Variants in PCDH11X observed in about 807,000 individuals in gnomAD.
PCDH11X encodes the protein protocadherin 11 X-linked, also known as protocadherin-11 X-linked.
Under a neutral mutation model 53.3 loss-of-function variants are expected in PCDH11X, and 18 were observed. The ratio of observed to expected loss-of-function variants is 0.34; its 90% CI spans 0.23 to 0.50. PCDH11X has a LOEUF of 0.50. Among genes scored for constraint, PCDH11X ranks in the 20% least tolerant of loss-of-function variants. The probability of loss-of-function intolerance (pLI) is 0.98; values close to 1 mark genes in which losing one functional copy is unlikely to be tolerated. For synonymous variants in PCDH11X, 279 were observed against 393.3 expected (o/e 0.71, Z 3.44); for missense variants, 570 against 1,032.4 (o/e 0.55, Z 6.14).
chrX:91,924,159 C>T (rs1941850606), intron 6 of PCDH11X, among the ~76,000 whole-genome samples: 1 of 108,914 alleles, frequency 9.2e-6, no homozygotes, highest in Admixed American at 1.0e-4. Context: ...CATGGAAAGT[C>T]GCTAATCAGA....
chrX:92,360,535 A>G (rs1404119594), intron 8 of PCDH11X, among the ~76,000 whole-genome samples: 3 of 110,005 alleles, frequency 2.7e-5, no homozygotes. Context: ...AAAACATTGC[A>G]GGGAAAATAT....
intron 8 of PCDH11X, among the ~76,000 whole-genome samples, chrX:92,310,869 T>C (rs57851289): frequency 0.022 from 2,447 of 111,883 alleles, 79 homozygotes; most frequent in African/African-American, 0.076. Flanking sequence ...TAGCGCATTG[T>C]AGATTTTATT....
At chrX:92,513,971 T>C (rs2074209839) in intron 10 of PCDH11X, among the ~76,000 whole-genome samples, 1 of 111,036 alleles carries the variant, frequency 9.0e-6, no homozygotes, top group Non-Finnish European at 1.9e-5. Flanking sequence ...TAAATGGAAT[T>C]GTACAGTATG....
chrX:91,930,322 G>T (rs1482447561), intron 6 of PCDH11X, among the ~76,000 whole-genome samples: 1 of 109,254 alleles, frequency 9.2e-6, no homozygotes, highest in African/African-American at 3.3e-5. Context: ...ATGTATGTCT[G>T]TGTGCATGTG....
chrX:92,540,809 CG>C (rs2074743327), intron 10 of PCDH11X, among the ~76,000 whole-genome samples: 1 of 107,379 alleles, frequency 9.3e-6, no homozygotes, highest in African/African-American at 3.4e-5. Flanking sequence ...TTCAAGGCCA[CG>C]GGTCTGCCTC....
chrX:92,236,136 T>C (rs2067168594), intron 7 of PCDH11X, among the ~76,000 whole-genome samples: 1 of 111,473 alleles, frequency 9.0e-6, no homozygotes, highest in African/African-American at 3.3e-5. Context: ...CTTAAGTAGA[T>C]TTGATTACTG....
At chrX:92,337,364 A>G (rs1187873950) in intron 8 of PCDH11X, among the ~76,000 whole-genome samples, 1 of 109,344 alleles carries the variant, frequency 9.1e-6, no homozygotes, top group Non-Finnish European at 1.9e-5. Flanking sequence ...CCCTTTGGTA[A>G]GTTAATAGAC....
At position 91,892,830 on chromosome X, in the gene PCDH11X, T is replaced by C. The variant is rs1167444206; in HGVS notation, c.3033+13557T>C. On this transcript the variant is annotated intron_variant, in intron 6 of 10. Coordinates refer to ENST00000682573, the MANE Select transcript of PCDH11X (RefSeq NM_032968.5). ...AATTTCAGGCTAATTTTTGTATTTT[T>C]AGTAGAGACTGGGGTTACACCCTGT... Among the ~76,000 whole-genome samples, 17 of 109,799 alleles carry C rather than the reference T, an allele frequency of 1.5e-4. No homozygotes were observed. The South Asian group carries it at 2.4e-3, about 15-fold the overall frequency.
intron 10 of PCDH11X, among the ~76,000 whole-genome samples, chrX:92,584,789 CTTTTTTTTTT>C (rs1171667582): frequency 4.6e-5 from 3 of 65,110 alleles, no homozygotes; most frequent in South Asian, 1.9e-3. Flanking sequence ...TCTTTTTTTC[CTTTTTTTTTT>C]TTTTTTTTTT....
At chrX:91,880,702 G>T (rs1336756269) in intron 6 of PCDH11X, among the ~76,000 whole-genome samples, 1 of 110,080 alleles carries the variant, frequency 9.1e-6, no homozygotes, top group African/African-American at 3.3e-5. Flanking sequence ...GACTTTAAAA[G>T]AATTTACGCT....
intron 7 of PCDH11X, among the ~76,000 whole-genome samples, chrX:92,218,185 A>G (rs1358683096): frequency 9.0e-6 from 1 of 110,816 alleles, no homozygotes; most frequent in Non-Finnish European, 1.9e-5. Context: ...AAGGCAAGAA[A>G]TAACTAAAAT....
intron 10 of PCDH11X, among the ~76,000 whole-genome samples, chrX:92,538,395 T>G (rs1183790559): frequency 9.1e-6 from 1 of 110,223 alleles, no homozygotes; most frequent in Admixed American, 9.8e-5. Flanking sequence ...AGAGACTTAC[T>G]CCTGTCATTT....
At chrX:92,245,464 A>AT (rs1302810992) in intron 7 of PCDH11X, among the ~76,000 whole-genome samples, 1 of 112,685 alleles carries the variant, frequency 8.9e-6, no homozygotes, top group Non-Finnish European at 1.9e-5. Flanking sequence ...TAATGAAGAA[A>AT]AAGTTGCCAG....
rs774998658 is a variant in PCDH11X, at chrX:92,391,306, T to C, written c.3343+3373T>C. Among the ~76,000 whole-genome samples, 15 of 110,279 alleles carry C rather than the reference T, an allele frequency of 1.4e-4. No individual in the cohort carries two copies. In the South Asian group the frequency reaches 2.7e-3, roughly 20 times the overall value. ...TTACTGTGGATACTGGAACAGATAA[T>C]GTCCGCATTTTCAAAGGATTTTCTT... On this transcript the variant is annotated intron_variant, in intron 9 of 10. Coordinates refer to ENST00000682573, the MANE Select transcript of PCDH11X (RefSeq NM_032968.5).
chrX:92,501,893 A>G (rs1473462165), intron 10 of PCDH11X, among the ~76,000 whole-genome samples: 2 of 111,069 alleles, frequency 1.8e-5, no homozygotes, highest in African/African-American at 3.3e-5. Context: ...AGAAAGAGAT[A>G]AAGAGTATTC....
intron 6 of PCDH11X, among the ~76,000 whole-genome samples, chrX:91,919,520 T>G (rs2147817012): frequency 9.0e-6 from 1 of 111,536 alleles, no homozygotes; most frequent in African/African-American, 3.2e-5. Context: ...AATATTTGCA[T>G]ATTTTTTTCT....
intron 8 of PCDH11X, among the ~76,000 whole-genome samples, chrX:92,350,900 C>A (rs1488800955): frequency 9.0e-6 from 1 of 111,721 alleles, no homozygotes; most frequent in Non-Finnish European, 1.9e-5. Flanking sequence ...ATTTCACCCA[C>A]GTAACTCATT....
At chrX:92,293,362 G>C (rs1440014546) in intron 8 of PCDH11X, among the ~76,000 whole-genome samples, 3 of 110,280 alleles carry the variant, frequency 2.7e-5, no homozygotes, top group Non-Finnish European at 1.9e-5. Flanking sequence ...CGGTGGCTGA[G>C]GCCTGTAATC....
intron 10 of PCDH11X, among the ~76,000 whole-genome samples, chrX:92,485,258 G>T (rs2073617470): frequency 9.0e-6 from 1 of 110,709 alleles, no homozygotes; most frequent in East Asian, 2.9e-4. Flanking sequence ...ATATATAATA[G>T]TGTATTTACC....
Sources: allele counts gnomAD v4.1 joint callset (sites outside exome capture counted in the v4.1 genomes callset), GRCh38; gene constraint gnomAD v4.1.1; transcripts MANE v1.5; gene names NCBI Gene and HGNC (gene_info 2026-07-23, HGNC 2026-07-21).